Variants in VEPH1 observed in about 807,000 individuals in gnomAD.
VEPH1 encodes ventricular zone-expressed PH domain-containing protein homolog 1.
VEPH1 carries 80 observed loss-of-function variants against 85.2 expected under a neutral mutation model. That is an observed-to-expected ratio of 0.94 (90% CI 0.78 to 1.13). The LOEUF is 1.13. Ranked by LOEUF, VEPH1 falls within the 50% of genes most tolerant of loss-of-function variation. VEPH1 has a pLI of 0.00. For synonymous variants in VEPH1, 297 were observed against 348.0 expected (o/e 0.85, Z 1.63); for missense variants, 955 against 980.5 (o/e 0.97, Z 0.35).
At chr3:157,381,690 G>T (rs1468879295) in intron 6 of VEPH1, 2 of 266,730 alleles carry the variant, frequency 7.5e-6, no homozygotes, top group Admixed American at 4.9e-5. Flanking sequence ...CTGCACTCCA[G>T]CCTGGGAGAC....
At position 157,495,235 on chromosome 3, in the gene VEPH1, T is replaced by C; in HGVS notation, c.115A>G (p.Ile39Val). 1 of 1,613,986 alleles carries C rather than the reference T, an allele frequency of 6.2e-7. No homozygotes were observed. Among genetic ancestry groups the C allele is most frequent in the South Asian group, 1.1e-5 (1 of 91,054 alleles). The change falls in exon 2 of 14, where the codon ATT (isoleucine) becomes GTT (valine). Residue 39 changes from isoleucine (I) to valine (V), a missense_variant. Transcript: ENST00000362010. Reference protein sequence around the residue: ...EDSLTEALEQIKIISSSSDYQ... With the variant: ...EDSLTEALEQVKIISSSSDYQ... ...ACTGAAGATGAGCTAATTATCTTAA[T>C]TTGCTCCAAAGCTTCTGTAAGGCTG...
intron 4 of VEPH1, chr3:157,437,824 G>A (rs557539937): frequency 2.9e-5 from 43 of 1,466,410 alleles, no homozygotes; most frequent in Non-Finnish European, 3.2e-5. Flanking sequence ...GGCGGGGCGC[G>A]CCCTGGCCGC....
At chr3:157,337,143 A>G (rs1577371539) in intron 9 of VEPH1, among the ~76,000 whole-genome samples, 3 of 150,872 alleles carry the variant, frequency 2.0e-5, no homozygotes, top group Middle Eastern at 3.5e-3. Context: ...ATGTATTTAT[A>G]TATAAAGAAA....
chr3:157,479,941 T>G (rs900407461), intron 2 of VEPH1, among the ~76,000 whole-genome samples: 1 of 152,156 alleles, frequency 6.6e-6, no homozygotes, highest in Admixed American at 6.5e-5. Flanking sequence ...CAGCTTTGGG[T>G]TTATAACCTA....
chr3:157,325,383 CTTTTT>C (rs1721785952), intron 9 of VEPH1, among the ~76,000 whole-genome samples: 1 of 152,060 alleles, frequency 6.6e-6, no homozygotes, highest in Non-Finnish European at 1.5e-5. Flanking sequence ...GTTGCAATTG[CTTTTT>C]GCATCTTTGC....
At chr3:157,361,953 C>T (rs564390681) in intron 9 of VEPH1, among the ~76,000 whole-genome samples, 3 of 152,216 alleles carry the variant, frequency 2.0e-5, no homozygotes, top group Admixed American at 6.5e-5. Context: ...TTTTGCCTTA[C>T]GTTCCACTAT....
chr3:157,397,015 A>C (rs1730448189), intron 6 of VEPH1, among the ~76,000 whole-genome samples: 1 of 152,096 alleles, frequency 6.6e-6, no homozygotes, highest in African/African-American at 2.4e-5. Context: ...TTTGCCCATG[A>C]CTATGTCCTG....
intron 9 of VEPH1, among the ~76,000 whole-genome samples, chr3:157,325,100 CT>C (rs200265930): frequency 1.3e-5 from 2 of 152,070 alleles, no homozygotes; most frequent in Admixed American, 6.6e-5. Flanking sequence ...TGACATTGAG[CT>C]TTTTTTCATG....
chr3:157,269,846 G>GGT (rs1052642915), intron 12 of VEPH1, among the ~76,000 whole-genome samples: 3 of 151,372 alleles, frequency 2.0e-5, no homozygotes, highest in South Asian at 2.1e-4. Context: ...GATCTACGAG[G>GGT]GTATGATCAT....
At chr3:157,348,426 CT>C (rs1268617815) in intron 9 of VEPH1, among the ~76,000 whole-genome samples, 1 of 150,100 alleles carries the variant, frequency 6.7e-6, no homozygotes, top group Non-Finnish European at 1.5e-5. Flanking sequence ...TTTTTTTTTT[CT>C]TTTTGATAAT....
At chr3:157,446,675 C>T (rs1330421764) in intron 4 of VEPH1, among the ~76,000 whole-genome samples, 1 of 152,134 alleles carries the variant, frequency 6.6e-6, no homozygotes, top group Non-Finnish European at 1.5e-5. Flanking sequence ...GTCTTTCAGC[C>T]ACTTAAGAAA....
At chr3:157,437,551 G>A (rs1461440163) in intron 4 of VEPH1, 3 of 1,605,390 alleles carry the variant, frequency 1.9e-6, no homozygotes, top group Admixed American at 3.4e-5. Flanking sequence ...CTCGGAATGG[G>A]ACAAGCTCTT....
chr3:157,400,647 T>C (rs1730729600), intron 6 of VEPH1, among the ~76,000 whole-genome samples: 1 of 152,144 alleles, frequency 6.6e-6, no homozygotes, highest in Non-Finnish European at 1.5e-5. Context: ...TAAATGGCAT[T>C]CAATGTGGCC....
intron 7 of VEPH1, among the ~76,000 whole-genome samples, chr3:157,369,263 G>A (rs1383394075): frequency 6.8e-6 from 1 of 146,472 alleles, no homozygotes; most frequent in Non-Finnish European, 1.5e-5. Flanking sequence ...GCCCTTCAGG[G>A]TTTGGGGATG....
intron 6 of VEPH1, among the ~76,000 whole-genome samples, chr3:157,405,360 C>A (rs1469710457): frequency 6.6e-6 from 1 of 152,136 alleles, no homozygotes; most frequent in African/African-American, 2.4e-5. Context: ...GTCCTTTCGC[C>A]AGCTCTTTAG....
intron 12 of VEPH1, among the ~76,000 whole-genome samples, chr3:157,272,388 TTTCTTTC>T (rs1577204227): frequency 2.3e-5 from 3 of 128,764 alleles, no homozygotes; most frequent in Non-Finnish European, 3.3e-5. Flanking sequence ...TCTTTCTTTC[TTTCTTTC>T]TTTCTTTCTT....
chr3:157,395,157 C>T (rs1397337424), intron 6 of VEPH1, among the ~76,000 whole-genome samples: 1 of 152,136 alleles, frequency 6.6e-6, no homozygotes, highest in Admixed American at 6.5e-5. Context: ...TGTGTAATAC[C>T]ATGGCAGTCG....
chr3:157,269,053 A>G (rs1714144913), intron 12 of VEPH1, among the ~76,000 whole-genome samples: 1 of 152,250 alleles, frequency 6.6e-6, no homozygotes, highest in Non-Finnish European at 1.5e-5. Context: ...ATATTTACTC[A>G]AAGAAACATT....
chr3:157,450,418 T>G (rs2109302205), intron 4 of VEPH1, among the ~76,000 whole-genome samples: 1 of 152,234 alleles, frequency 6.6e-6, no homozygotes, highest in South Asian at 2.1e-4. Context: ...ATGATTGTTT[T>G]GACCCTTCCT....
Sources: gnomAD v4.1 joint callset for allele counts (sites outside exome capture counted in the v4.1 genomes callset) on GRCh38, gnomAD v4.1.1 for gene constraint, MANE v1.5 for transcripts, NCBI Gene and HGNC (gene_info 2026-07-23, HGNC 2026-07-21) for gene names.